Variants in SNX29 observed in about 807,000 individuals in gnomAD.
SNX29 encodes sorting nexin 29, also known as sorting nexin-29.
In SNX29, 78 loss-of-function variants were observed where a neutral mutation model predicts 102.1. The observed-to-expected ratio is 0.76, with a 90% CI of 0.64 to 0.92. The LOEUF (loss-of-function observed/expected upper bound fraction) is 0.92. SNX29 is among the 40% of genes least tolerant of loss of function. The probability of loss-of-function intolerance (pLI) is 0.00; values close to 1 mark genes in which losing one functional copy is unlikely to be tolerated. For synonymous variants in SNX29, 580 were observed against 414.5 expected (o/e 1.40, Z -4.85); for missense variants, 1,280 against 1,061.7 (o/e 1.21, Z -2.86).
intron 11 of SNX29, among the ~76,000 whole-genome samples, chr16:12,102,798 A>C (rs545184785): frequency 6.6e-6 from 1 of 152,360 alleles, no homozygotes; most frequent in South Asian, 2.1e-4. Context: ...ACATGATTGT[A>C]TATTTAGAAA....
intron 16 of SNX29, among the ~76,000 whole-genome samples, chr16:12,382,252 C>G (rs1381779489): frequency 6.6e-6 from 1 of 152,150 alleles, no homozygotes; most frequent in South Asian, 2.1e-4. Context: ...TGTTTTCTAA[C>G]TGAGAAAAGC....
chr16:12,420,649 A>C (rs1346538764), intron 18 of SNX29, among the ~76,000 whole-genome samples: 2 of 152,190 alleles, frequency 1.3e-5, no homozygotes. Context: ...TAATCATAGC[A>C]CTGACCTCAC....
chr16:12,534,346 T>C (rs536923283), intron 20 of SNX29, among the ~76,000 whole-genome samples: 68 of 152,330 alleles, frequency 4.5e-4, no homozygotes, highest in Non-Finnish European at 9.6e-4. Context: ...TCCTGGTCTT[T>C]GGAGAGGTTT....
intron 11 of SNX29, among the ~76,000 whole-genome samples, chr16:12,105,630 A>G (rs2053202517): frequency 6.6e-6 from 1 of 152,186 alleles, no homozygotes; most frequent in African/African-American, 2.4e-5. Context: ...TTTTCTAAGT[A>G]GCACTGGTGA....
chr16:12,117,466 G>A (rs894487058), intron 11 of SNX29, among the ~76,000 whole-genome samples: 14 of 152,302 alleles, frequency 9.2e-5, no homozygotes, highest in Non-Finnish European at 1.5e-4. Context: ...CAACGCGGAC[G>A]AACCGTGGAA....
chr16:12,535,801 C>G (rs1213559813), intron 20 of SNX29, among the ~76,000 whole-genome samples: 1 of 152,186 alleles, frequency 6.6e-6, no homozygotes, highest in African/African-American at 2.4e-5. Flanking sequence ...GCCGCAGCCA[C>G]TGTGTAAGCC....
chr16:12,291,789 A>C (rs985419294), intron 15 of SNX29, among the ~76,000 whole-genome samples: 6 of 152,170 alleles, frequency 3.9e-5, no homozygotes, highest in Non-Finnish European at 7.3e-5. Flanking sequence ...CCCCAGATGA[A>C]AACTGGGACT....
chr16:12,520,053 AG>A (rs1003488450), intron 19 of SNX29, among the ~76,000 whole-genome samples: 2 of 152,224 alleles, frequency 1.3e-5, no homozygotes, highest in African/African-American at 4.8e-5. Context: ...ACACAGTCAC[AG>A]GCAGGAATAT....
Position 12,572,894 on chromosome 16 carries a change from T to G in SNX29, c.*4265T>G, listed in dbSNP as rs756705747. On this transcript the variant is annotated 3_prime_UTR_variant, in exon 21 of 21. Transcript: ENST00000566228. Reference sequence around the variant, plus strand: ...ATTGTCTTGACTCTGCCTTGGCATTTCGCTCGGAATCACGGCAGACTTGGA... The same window carrying G: ...ATTGTCTTGACTCTGCCTTGGCATTGCGCTCGGAATCACGGCAGACTTGGA... 3 of 1,041,524 alleles carry G rather than the reference T, an allele frequency of 2.9e-6. No individual in the cohort carries two copies. The highest frequency in any genetic ancestry group is 5.4e-5 in the Admixed American group (1 of 18,624). The allele number at this position is 1,041,524 out of a possible 1,614,324, so 64.5% of individuals were successfully genotyped here.
intron 3 of SNX29, among the ~76,000 whole-genome samples, chr16:12,005,945 CT>C (rs1189439955): frequency 6.6e-6 from 1 of 152,046 alleles, no homozygotes; most frequent in African/African-American, 2.4e-5. Flanking sequence ...CTACCATAAC[CT>C]TTGTTATAGA....
In SNX29 at chr16:12,069,124, T is replaced by G. The variant is rs2051175465; in HGVS notation, c.1311T>G (p.Leu437=). Residue 437 remains leucine, a synonymous_variant, in exon 10 of 21, where the codon CTT becomes CTG. Transcript: ENST00000566228. ...PEDHVLPDPG[L]RYSVEASSPG... ...ACCACGTTCTCCCAGATCCTGGACT[T>G]CGGTACAGGTTAATATTGAGAAACC... 6.2e-7 allele frequency: 1 copy of G among 1,613,274 alleles called. No homozygotes were observed. The highest frequency in any genetic ancestry group is 8.5e-7 in the Non-Finnish European group (1 of 1,179,388).
chr16:12,470,606 T>G (rs771300720), intron 18 of SNX29, among the ~76,000 whole-genome samples: 9 of 152,150 alleles, frequency 5.9e-5, no homozygotes, highest in Non-Finnish European at 1.2e-4. Flanking sequence ...GAGAAGGTCA[T>G]TTCCTGAACT....
chr16:12,572,633 T>G lies in SNX29; in HGVS notation c.*4004T>G. On this transcript the variant is annotated 3_prime_UTR_variant, in exon 21 of 21. Transcript: ENST00000566228. ...TCCGGCTACCCCCAGAATCCATCCT[T>G]CATTCCTCCACCAAGCTCCTGTGTG... is the stretch of plus-strand genomic sequence containing the variant. 1 of 1,063,874 alleles carries G rather than the reference T, an allele frequency of 9.4e-7. No individual in the cohort carries two copies. The highest frequency in any genetic ancestry group is 1.6e-5 in the African/African-American group (1 of 61,066). The allele number at this position is 1,063,874 out of a possible 1,614,324, so 65.9% of individuals were successfully genotyped here.
At chr16:12,487,824 C>T (rs1597576071) in intron 19 of SNX29, among the ~76,000 whole-genome samples, 2 of 152,190 alleles carry the variant, frequency 1.3e-5, no homozygotes, top group Admixed American at 6.5e-5. Context: ...GCCTGTGTCT[C>T]ATTTGACACT....
In SNX29 at chr16:12,199,656, C is replaced by T. The variant is rs1409491863; in HGVS notation, c.1651C>T (p.Leu551=). 3 of 1,612,814 alleles carry T rather than the reference C, an allele frequency of 1.9e-6. No homozygotes were observed. Among genetic ancestry groups the T allele is most frequent in the African/African-American group, 1.3e-5 (1 of 74,860 alleles). ...GAAATATGTAGGAGCTGTCCAGATG[C>T]TGAAAAGAGAAGGTCAAACAGCTGA... ...LKKYVGAVQM[L]KREGQTAEVP... Residue 551 remains leucine (L), a synonymous_variant, in exon 14 of 21, where the codon CTG becomes TTG. Coordinates refer to ENST00000566228, the MANE Select transcript of SNX29 (RefSeq NM_032167.5).
In SNX29 at chr16:12,568,456, A is replaced by T. The variant is rs188145965; in HGVS notation, c.2319-50A>T. 8 of 1,601,288 alleles carry T rather than the reference A, an allele frequency of 5.0e-6. No individual in the cohort carries two copies. The Admixed American group carries it at 1.3e-4, about 27-fold the overall frequency. On this transcript the variant is annotated intron_variant, in intron 20 of 20. Transcript: ENST00000566228. ...TGGCTCCCCTTCCTGGCCTGTGGTC[A>T]TTTGCTTTTCATCCCCAGACTTAAC...
At chr16:12,219,178 C>G (rs78574660) in intron 14 of SNX29, among the ~76,000 whole-genome samples, 4,439 of 151,964 alleles carry the variant, frequency 0.029, 98 homozygotes, top group South Asian at 0.077. Flanking sequence ...GTTGCTGATT[C>G]AAAGCGTGGG....
chr16:12,436,870 T>C (rs1353118787), intron 18 of SNX29, among the ~76,000 whole-genome samples: 2 of 152,122 alleles, frequency 1.3e-5, no homozygotes, highest in East Asian at 3.9e-4. Flanking sequence ...CTAGGCTGGT[T>C]TCGAACTACT....
chr16:12,345,396 G>A (rs2081764028), intron 15 of SNX29, among the ~76,000 whole-genome samples: 2 of 152,136 alleles, frequency 1.3e-5, no homozygotes, highest in Non-Finnish European at 2.9e-5. Context: ...AGACTTCTGT[G>A]TGCGGTTGTG....
Sources: allele counts gnomAD v4.1 joint callset (sites outside exome capture counted in the v4.1 genomes callset), GRCh38; gene constraint gnomAD v4.1.1; transcripts MANE v1.5; gene names NCBI Gene and HGNC (gene_info 2026-07-23, HGNC 2026-07-21).